The following NOX4 variants were observed in gnomAD, a reference collection of about 807,000 sequenced individuals.
The protein encoded by NOX4 is kidney oxidase-1.
A neutral mutation model predicts 87.6 loss-of-function variants in NOX4; 69 were observed. The observed-to-expected ratio is 0.79, with a 90% CI of 0.65 to 0.96. The LOEUF is 0.96. NOX4 is among the 40% of genes least tolerant of loss of function. NOX4 has a pLI of 0.00. For missense variants in NOX4, 680 were observed against 681.5 expected (o/e 1.00, Z 0.02); for synonymous variants, 275 against 238.2 (o/e 1.15, Z -1.42).
the NOX4 span, among the ~76,000 whole-genome samples, chr11:89,535,927 T>C: frequency 2.0e-5 from 3 of 152,130 alleles, no homozygotes; most frequent in Non-Finnish European, 4.4e-5. Flanking sequence ...ATAGAAGCAC[T>C]GAGTAAAAAG....
At chr11:89,428,142 C>T (rs1441122386) in intron 7 of NOX4, among the ~76,000 whole-genome samples, 6 of 152,036 alleles carry the variant, frequency 3.9e-5, no homozygotes, top group African/African-American at 7.2e-5. Flanking sequence ...GAAGGAGAAA[C>T]AAAATCCTTT....
chr11:89,460,084 G>T (rs1005847019), intron 2 of NOX4, among the ~76,000 whole-genome samples: 1 of 152,166 alleles, frequency 6.6e-6, no homozygotes, highest in African/African-American at 2.4e-5. Context: ...TTAATAAATG[G>T]TGTTGGGAAA....
At chr11:89,489,963 T>A (rs1457651477) in intron 2 of NOX4, among the ~76,000 whole-genome samples, 1 of 152,176 alleles carries the variant, frequency 6.6e-6, no homozygotes, top group Non-Finnish European at 1.5e-5. Context: ...TGGAATATCA[T>A]CAGCCACTAA....
chr11:89,586,652 C>T, the NOX4 span, among the ~76,000 whole-genome samples: 4 of 152,084 alleles, frequency 2.6e-5, no homozygotes, highest in African/African-American at 9.7e-5. Flanking sequence ...TTCATAAATA[C>T]AATGCAACAT....
the NOX4 span, among the ~76,000 whole-genome samples, chr11:89,533,274 G>A: frequency 1.3e-5 from 2 of 151,920 alleles, no homozygotes; most frequent in East Asian, 1.9e-4. Context: ...CTAAATTGGT[G>A]TTTTATATAT....
intron 13 of NOX4, among the ~76,000 whole-genome samples, chr11:89,346,227 G>C (rs894290986): frequency 3.0e-4 from 45 of 151,648 alleles, no homozygotes; most frequent in Non-Finnish European, 1.8e-4. Context: ...AAAGGAACAT[G>C]GTTTGAAAAA....
chr11:89,579,310 G>T, the NOX4 span, among the ~76,000 whole-genome samples: 1 of 152,092 alleles, frequency 6.6e-6, no homozygotes, highest in Non-Finnish European at 1.5e-5. Context: ...TGGGCTTTGG[G>T]TGATAATGGT....
At chr11:89,518,798 T>C in the NOX4 span, among the ~76,000 whole-genome samples, 3 of 152,066 alleles carry the variant, frequency 2.0e-5, no homozygotes, top group East Asian at 5.8e-4. Context: ...AGACCTCTGA[T>C]CCACAGTGCT....
At chr11:89,489,845 A>T (rs1946782634) in intron 2 of NOX4, among the ~76,000 whole-genome samples, 1 of 152,208 alleles carries the variant, frequency 6.6e-6, no homozygotes, top group African/African-American at 2.4e-5. Context: ...AGGAGATGGA[A>T]CAGAAGAATG....
At chr11:89,417,536 G>T (rs982144681) in intron 8 of NOX4, among the ~76,000 whole-genome samples, 1 of 152,110 alleles carries the variant, frequency 6.6e-6, no homozygotes, top group African/African-American at 2.4e-5. Context: ...TCAATAGAAT[G>T]TTAGAGATCT....
intron 2 of NOX4, among the ~76,000 whole-genome samples, chr11:89,477,722 C>G (rs1440638013): frequency 6.6e-6 from 1 of 151,992 alleles, no homozygotes; most frequent in Non-Finnish European, 1.5e-5. Context: ...CACTGTTACT[C>G]TCCTATAAAA....
intron 11 of NOX4, among the ~76,000 whole-genome samples, chr11:89,387,206 A>G (rs912660300): frequency 2.0e-5 from 3 of 152,124 alleles, no homozygotes; most frequent in African/African-American, 7.2e-5. Flanking sequence ...CAGGCCTCTC[A>G]GCCCAAGACT....
At chr11:89,441,438 T>C (rs1944449876) in intron 5 of NOX4, among the ~76,000 whole-genome samples, 1 of 152,190 alleles carries the variant, frequency 6.6e-6, no homozygotes, top group Non-Finnish European at 1.5e-5. Context: ...TTTGAATTTC[T>C]TTCTGTGTGC....
chr11:89,565,537 T>A, the NOX4 span, among the ~76,000 whole-genome samples: 1 of 152,244 alleles, frequency 6.6e-6, no homozygotes, highest in East Asian at 1.9e-4. Context: ...AGGGAAATAA[T>A]ATTAGGAACT....
intron 6 of NOX4, among the ~76,000 whole-genome samples, chr11:89,437,943 C>A (rs887455206): frequency 6.6e-6 from 1 of 151,838 alleles, no homozygotes; most frequent in South Asian, 2.1e-4. Flanking sequence ...CAGGCAGTAG[C>A]GAGACGGTAT....
At chr11:89,393,506 G>A (rs767151830) in intron 11 of NOX4, among the ~76,000 whole-genome samples, 3 of 151,906 alleles carry the variant, frequency 2.0e-5, no homozygotes, top group African/African-American at 2.4e-5. Flanking sequence ...TCATATTCCC[G>A]TTTCTCATTT....
chr11:89,445,473 A>G (rs1373015997), intron 4 of NOX4, among the ~76,000 whole-genome samples: 1 of 152,126 alleles, frequency 6.6e-6, no homozygotes, highest in Non-Finnish European at 1.5e-5. Flanking sequence ...AGGACTTACT[A>G]TGAAGTTACA....
chr11:89,366,700 G>GAAAAAA (rs11314993), intron 12 of NOX4, among the ~76,000 whole-genome samples: 2 of 113,118 alleles, frequency 1.8e-5, no homozygotes. Context: ...AAACTGAAAA[G>GAAAAAA]AAAAAAAAAA....
At chr11:89,492,532 T>C (rs1946884843), upstream of NOX4, among the ~76,000 whole-genome samples, 1 of 152,236 alleles carries the variant, frequency 6.6e-6, no homozygotes, top group African/African-American at 2.4e-5. Flanking sequence ...ATTGCAGTCC[T>C]CAGTTTTAAA....
Sources: gnomAD v4.1 joint callset for allele counts (sites outside exome capture counted in the v4.1 genomes callset) on GRCh38, gnomAD v4.1.1 for gene constraint, MANE v1.5 for transcripts, NCBI Gene and HGNC (gene_info 2026-07-23, HGNC 2026-07-21) for gene names.